The following ADD3 variants were observed in gnomAD, a reference collection of about 807,000 sequenced individuals.
ADD3 encodes adducin 3.
ADD3 carries 25 observed loss-of-function variants against 80.2 expected under a neutral mutation model. The ratio of observed to expected loss-of-function variants is 0.31; its 90% CI spans 0.23 to 0.44. The LOEUF (loss-of-function observed/expected upper bound fraction) is 0.44, where lower values mean the gene tolerates loss of function less well. ADD3 is among the 20% of genes least tolerant of loss of function. The pLI, the probability that ADD3 is intolerant of heterozygous loss-of-function variation, is 1.00. For synonymous variants in ADD3, 284 were observed against 289.6 expected (o/e 0.98, Z 0.20); for missense variants, 829 against 847.5 (o/e 0.98, Z 0.27).
At chr10:110,036,345 G>A (rs1855641119) in intron 1 of ADD3, among the ~76,000 whole-genome samples, 1 of 148,328 alleles carries the variant, frequency 6.7e-6, no homozygotes, top group Non-Finnish European at 1.5e-5. Context: ...TTTCTCATGT[G>A]ATAATCCCCT....
chr10:110,058,557 G>A (rs984021223), intron 1 of ADD3, among the ~76,000 whole-genome samples: 1 of 152,132 alleles, frequency 6.6e-6, no homozygotes, highest in Non-Finnish European at 1.5e-5. Context: ...GAGGACTGTG[G>A]CAACAGTGCT....
At chr10:110,084,586 G>A (rs780820179) in intron 1 of ADD3, among the ~76,000 whole-genome samples, 87 of 152,190 alleles carry the variant, frequency 5.7e-4, no homozygotes, top group Non-Finnish European at 1.1e-3. Flanking sequence ...CTTGGGACAC[G>A]TCACTCTCTC....
chr10:110,100,241 T>G (rs747481370), intron 1 of ADD3, among the ~76,000 whole-genome samples: 1 of 151,208 alleles, frequency 6.6e-6, no homozygotes, highest in Non-Finnish European at 1.5e-5. Flanking sequence ...TCCCAACTAC[T>G]CGGGAGGCTG....
At chr10:110,050,776 G>A (rs1460230449) in intron 1 of ADD3, among the ~76,000 whole-genome samples, 2 of 152,154 alleles carry the variant, frequency 1.3e-5, no homozygotes, top group Non-Finnish European at 2.9e-5. Flanking sequence ...GCCTCCCAAA[G>A]TGCTGGGATT....
At chr10:110,053,503 A>G (rs1857765585) in intron 1 of ADD3, among the ~76,000 whole-genome samples, 2 of 150,992 alleles carry the variant, frequency 1.3e-5, no homozygotes, top group African/African-American at 5.0e-5. Context: ...AATACCCAAG[A>G]CTATTGTTTT....
intron 8 of ADD3, 103 bp from the exon 9 acceptor site, chr10:110,122,007 A>T (rs1170287823): frequency 3.1e-6 from 3 of 971,488 alleles, no homozygotes; most frequent in Non-Finnish European, 4.6e-6. Context: ...CTGAGCAAGT[A>T]TTATAGATAT....
At chr10:110,112,938 T>G in intron 3 of ADD3, 23 bp downstream of exon 3, 1 of 1,606,238 alleles carries the variant, frequency 6.2e-7, no homozygotes. Flanking sequence ...TGGAGAGTTT[T>G]AAACATTATA....
intron 2 of ADD3, among the ~76,000 whole-genome samples, chr10:110,111,741 C>A (rs1564998269): frequency 6.6e-6 from 1 of 152,064 alleles, no homozygotes; most frequent in Non-Finnish European, 1.5e-5. Flanking sequence ...CATAGAGAAA[C>A]CCTGTCTCTA....
chr10:110,129,924 A>G (rs1470205107), intron 12 of ADD3, among the ~76,000 whole-genome samples: 1 of 152,012 alleles, frequency 6.6e-6, no homozygotes, highest in African/African-American at 2.4e-5. Flanking sequence ...AATTCTCATT[A>G]TTTCCTTTCC....
At chr10:110,067,679 A>T (rs568421675) in intron 1 of ADD3, among the ~76,000 whole-genome samples, 1 of 152,310 alleles carries the variant, frequency 6.6e-6, no homozygotes, top group East Asian at 1.9e-4. Context: ...AGTGTACTTT[A>T]TGGGGATCTT....
intron 1 of ADD3, among the ~76,000 whole-genome samples, chr10:110,099,481 G>A (rs1415577749): frequency 6.6e-6 from 1 of 152,060 alleles, no homozygotes; most frequent in African/African-American, 2.4e-5. Context: ...CCCATTAGTG[G>A]ATCATCAATC....
intron 1 of ADD3, among the ~76,000 whole-genome samples, chr10:110,073,157 T>TC (rs1554932866): frequency 6.8e-6 from 1 of 147,156 alleles, no homozygotes; most frequent in Non-Finnish European, 1.5e-5. Context: ...TTTTTTTTTT[T>TC]TTCGAGACTG....
upstream of ADD3, among the ~76,000 whole-genome samples, chr10:110,002,543 G>T (rs906793548): frequency 6.6e-6 from 1 of 152,038 alleles, no homozygotes. Flanking sequence ...CAAAGTGCTG[G>T]GATTACAGGC....
chr10:110,021,410 A>G (rs1222835067), intron 1 of ADD3, among the ~76,000 whole-genome samples: 1 of 152,242 alleles, frequency 6.6e-6, no homozygotes, highest in African/African-American at 2.4e-5. Flanking sequence ...AAAAAATTGT[A>G]CACTAGTGAC....
chr10:110,015,157 C>T (rs1480166829), intron 1 of ADD3, among the ~76,000 whole-genome samples: 1 of 152,094 alleles, frequency 6.6e-6, no homozygotes, highest in Non-Finnish European at 1.5e-5. Flanking sequence ...TTGGAGATTG[C>T]ACTAAAAGGA....
chr10:110,052,998 T>C (rs1448898035), intron 1 of ADD3, among the ~76,000 whole-genome samples: 1 of 152,184 alleles, frequency 6.6e-6, no homozygotes, highest in Non-Finnish European at 1.5e-5. Context: ...ATACCTGGTT[T>C]AGAAAATGGA....
chr10:110,090,281 G>A (rs549654359), intron 1 of ADD3, among the ~76,000 whole-genome samples: 3 of 148,408 alleles, frequency 2.0e-5, no homozygotes, highest in South Asian at 4.3e-4. Flanking sequence ...GTGCAGTGGC[G>A]TGATCTCAGC....
At position 110,133,421 on chromosome 10, in the gene ADD3, C is replaced by G; in HGVS notation, c.1924C>G (p.Leu642Val). 1 of 1,613,638 alleles carries G rather than the reference C, an allele frequency of 6.2e-7. No homozygotes were observed. The highest frequency in any genetic ancestry group is 8.5e-7 in the Non-Finnish European group (1 of 1,179,678). Residue 642 changes from leucine to valine, a missense_variant, in exon 15 of 15, where the codon CTT (leucine) becomes GTT (valine). Transcript: ENST00000356080. ...KDDMHDVEDE[L>V]AKRVSRLSTS... ...TGATATGCATGATGTTGAAGATGAG[C>G]TTGCTAAGCGAGTGAGTAGGTTAAG...
chr10:110,118,846 A>G (rs1851107491), intron 6 of ADD3, 110 bp downstream of exon 6: 4 of 1,121,914 alleles, frequency 3.6e-6, no homozygotes, highest in Non-Finnish European at 3.8e-6. Context: ...ATTTGATACA[A>G]TAATCTGCAT....
Sources: allele counts gnomAD v4.1 joint callset (sites outside exome capture counted in the v4.1 genomes callset), GRCh38; gene constraint gnomAD v4.1.1; transcripts MANE v1.5; gene names NCBI Gene and HGNC (gene_info 2026-07-23, HGNC 2026-07-21).